The following KHDRBS2 variants were observed in gnomAD, a reference collection of about 807,000 sequenced individuals.
KHDRBS2 encodes KH RNA binding domain containing, signal transduction associated 2.
In KHDRBS2, 26 loss-of-function variants were observed where a neutral mutation model predicts 44.3. That is an observed-to-expected ratio of 0.59 (90% CI 0.43 to 0.81). The LOEUF is 0.81. Ranked by LOEUF, KHDRBS2 falls within the 40% of genes least tolerant of loss-of-function variation. The pLI, the probability that KHDRBS2 is intolerant of heterozygous loss-of-function variation, is 0.00. For missense variants in KHDRBS2, 476 were observed against 433.1 expected, an observed-to-expected ratio of 1.10 and a Z score of -0.88; for synonymous variants, 194 against 151.1, an observed-to-expected ratio of 1.28 and a Z score of -2.08.
Position 61,948,368 on chromosome 6 carries a change from CCA to C in KHDRBS2, c.483+29696_483+29697del, listed in dbSNP as rs1473942955. On this transcript the variant is annotated intron_variant, in intron 4 of 8. Coordinates refer to ENST00000281156, the MANE Select transcript of KHDRBS2 (RefSeq NM_152688.4). The stretch of plus-strand genomic sequence containing the variant: ...AATTGCATTGAAAACGATTTAAAAT[CCA>C]CAGTTTTCTTTTTTAGCTGAAGAAA... Among the ~76,000 whole-genome samples, 5 of 152,056 alleles carry C rather than the reference CCA, an allele frequency of 3.3e-5. No individual in the cohort carries two copies. The South Asian group carries it at 6.2e-4, about 19-fold the overall frequency.
chr6:61,667,296 T>C, the KHDRBS2 span, among the ~76,000 whole-genome samples: 1 of 151,076 alleles, frequency 6.6e-6, no homozygotes, highest in Non-Finnish European at 1.5e-5. Flanking sequence ...ATCACAATTC[T>C]GATATTTTAA....
chr6:62,007,257 C>T (rs575666363), intron 3 of KHDRBS2, among the ~76,000 whole-genome samples: 1 of 152,168 alleles, frequency 6.6e-6, no homozygotes, highest in East Asian at 1.9e-4. Flanking sequence ...ACCTTTATTA[C>T]TTTTCAACAC....
At chr6:62,077,444 A>T (rs1490704609) in intron 2 of KHDRBS2, among the ~76,000 whole-genome samples, 2 of 152,046 alleles carry the variant, frequency 1.3e-5, no homozygotes, top group Non-Finnish European at 2.9e-5. Context: ...GCCAATACTC[A>T]TATGTACGTC....
chr6:62,016,295 T>C (rs991067130), intron 3 of KHDRBS2, among the ~76,000 whole-genome samples: 1 of 152,024 alleles, frequency 6.6e-6, no homozygotes, highest in Non-Finnish European at 1.5e-5. Context: ...TGAGACTGAA[T>C]TGCTTGTATC....
At chr6:61,728,361 G>C (rs1380351098) in intron 7 of KHDRBS2, among the ~76,000 whole-genome samples, 1 of 151,776 alleles carries the variant, frequency 6.6e-6, no homozygotes, top group African/African-American at 2.4e-5. Context: ...CTAGGTGATG[G>C]GATAATCTGT....
intron 7 of KHDRBS2, among the ~76,000 whole-genome samples, chr6:61,715,588 C>G (rs1445801310): frequency 6.6e-6 from 1 of 151,984 alleles, no homozygotes; most frequent in African/African-American, 2.4e-5. Context: ...TTCTGAGAAG[C>G]CTTGTAATAC....
chr6:61,629,318 C>A, the KHDRBS2 span, among the ~76,000 whole-genome samples: 1 of 152,132 alleles, frequency 6.6e-6, no homozygotes, highest in African/African-American at 2.4e-5. Context: ...AGAATCATGT[C>A]CCAAACATCA....
chr6:61,998,087 GCA>G (rs1240671394), intron 3 of KHDRBS2, among the ~76,000 whole-genome samples: 1 of 152,002 alleles, frequency 6.6e-6, no homozygotes, highest in Non-Finnish European at 1.5e-5. Context: ...TACTTATTGT[GCA>G]CACAGTGGTA....
intron 6 of KHDRBS2, among the ~76,000 whole-genome samples, chr6:61,852,275 T>C (rs1188926802): frequency 1.4e-5 from 2 of 143,136 alleles, no homozygotes; most frequent in African/African-American, 2.7e-5. Context: ...ACATTGACTT[T>C]ATCATTTATC....
intron 6 of KHDRBS2, among the ~76,000 whole-genome samples, chr6:61,810,462 C>T (rs561670241): frequency 6.6e-6 from 1 of 152,150 alleles, no homozygotes; most frequent in African/African-American, 2.4e-5. Context: ...TTCTCCAGAG[C>T]AGCATTTTCC....
the KHDRBS2 span, among the ~76,000 whole-genome samples, chr6:61,563,113 C>A: frequency 6.6e-6 from 1 of 152,084 alleles, no homozygotes; most frequent in Non-Finnish European, 1.5e-5. Context: ...ACACTGGTTC[C>A]CCAGCTATCT....
chr6:62,107,254 A>G (rs1365783042), intron 2 of KHDRBS2, among the ~76,000 whole-genome samples: 5 of 152,226 alleles, frequency 3.3e-5, no homozygotes, highest in Non-Finnish European at 7.3e-5. Flanking sequence ...GTCTCAGGAT[A>G]CAAAATCAAT....
At chr6:61,812,262 C>G (rs1241730497) in intron 6 of KHDRBS2, among the ~76,000 whole-genome samples, 1 of 151,674 alleles carries the variant, frequency 6.6e-6, no homozygotes, top group African/African-American at 2.4e-5. Flanking sequence ...TTGCATTCTC[C>G]AGATAATTAA....
chr6:61,853,119 A>G (rs937265171), intron 6 of KHDRBS2, among the ~76,000 whole-genome samples: 4 of 152,118 alleles, frequency 2.6e-5, no homozygotes, highest in African/African-American at 4.8e-5. Context: ...CATATTTGGC[A>G]TCTGGTACCA....
chr6:61,994,623 A>T (rs374191510), intron 3 of KHDRBS2, among the ~76,000 whole-genome samples: 10 of 152,212 alleles, frequency 6.6e-5, no homozygotes, highest in South Asian at 2.1e-4. Context: ...ACATAGAGAG[A>T]TAAGGCAACT....
chr6:62,092,371 C>G (rs1230901930), intron 2 of KHDRBS2, among the ~76,000 whole-genome samples: 1 of 152,098 alleles, frequency 6.6e-6, no homozygotes, highest in Admixed American at 6.6e-5. Context: ...TAGAGGTAAT[C>G]AGATTCAAAT....
chr6:62,237,844 G>A (rs759410464), intron 1 of KHDRBS2, among the ~76,000 whole-genome samples: 7 of 152,042 alleles, frequency 4.6e-5, no homozygotes, highest in Non-Finnish European at 7.4e-5. Flanking sequence ...TTTCAGGCCA[G>A]CTTGGCCAAT....
chr6:61,940,135 A>G (rs1259014204), intron 4 of KHDRBS2, among the ~76,000 whole-genome samples: 1 of 152,124 alleles, frequency 6.6e-6, no homozygotes, highest in Non-Finnish European at 1.5e-5. Flanking sequence ...GATAAAGATA[A>G]CTACTAATTA....
In KHDRBS2 at chr6:62,272,842, G is replaced by A. The variant is rs144168257; in HGVS notation, c.91+13016C>T. On this transcript the variant is annotated intron_variant, in intron 1 of 8. Coordinates refer to ENST00000281156, the MANE Select transcript of KHDRBS2 (RefSeq NM_152688.4). ...GTAAAAGGATGTTCCACATTACACT[G>A]AGCAAGTTAGAAAGGTGGAAGTAGA... is the stretch of plus-strand genomic sequence containing the variant. Among the ~76,000 whole-genome samples the A allele has an allele frequency of 5.1e-3, 772 of 152,226 alleles. 7 individuals are homozygous for A. Among genetic ancestry groups the A allele is most frequent in the African/African-American group, 0.017 (712 of 41,542 alleles).
Sources: gnomAD v4.1 joint callset for allele counts (sites outside exome capture counted in the v4.1 genomes callset) on GRCh38, gnomAD v4.1.1 for gene constraint, MANE v1.5 for transcripts, NCBI Gene and HGNC (gene_info 2026-07-23, HGNC 2026-07-21) for gene names.